Variants in METTL15 observed in about 807,000 individuals in gnomAD.
The protein encoded by METTL15 is 12S rRNA N(4)-cytidine methyltransferase METTL15.
METTL15 carries 34 observed loss-of-function variants against 38.3 expected under a neutral mutation model. That is an observed-to-expected ratio of 0.89 (90% CI 0.68 to 1.18). The LOEUF (loss-of-function observed/expected upper bound fraction) is 1.18. METTL15 is among the 50% of genes most tolerant of loss of function. The probability of loss-of-function intolerance (pLI) is 0.00; values close to 1 mark genes in which losing one functional copy is unlikely to be tolerated. For synonymous variants in METTL15, 162 were observed against 170.9 expected, an observed-to-expected ratio of 0.95 and a Z score of 0.41; for missense variants, 438 against 498.4, an observed-to-expected ratio of 0.88 and a Z score of 1.15.
intron 4 of METTL15, among the ~76,000 whole-genome samples, chr11:28,233,243 TAATA>T (rs1853766665): frequency 6.6e-6 from 1 of 152,160 alleles, no homozygotes; most frequent in East Asian, 1.9e-4. Context: ...ATATACTGCT[TAATA>T]ACATAGATAA....
intron 6 of METTL15, among the ~76,000 whole-genome samples, chr11:28,498,848 T>C (rs945087015): frequency 1.3e-5 from 2 of 152,264 alleles, no homozygotes; most frequent in Non-Finnish European, 2.9e-5. Flanking sequence ...AAGTTTTTAC[T>C]GTATTTCTCA....
chr11:28,120,293 A>C (rs903153600), intron 3 of METTL15, among the ~76,000 whole-genome samples: 1 of 150,354 alleles, frequency 6.7e-6, no homozygotes, highest in African/African-American at 2.4e-5. Context: ...TTAAAATTTC[A>C]TATGAGATGG....
At chr11:28,464,615 C>G (rs1851241979) in intron 6 of METTL15, among the ~76,000 whole-genome samples, 1 of 152,272 alleles carries the variant, frequency 6.6e-6, no homozygotes, top group African/African-American at 2.4e-5. Context: ...TATGTGAATC[C>G]TTCCTAAATC....
intron 4 of METTL15, among the ~76,000 whole-genome samples, chr11:28,279,831 G>A (rs914888735): frequency 7.3e-5 from 11 of 151,634 alleles, no homozygotes; most frequent in Non-Finnish European, 1.6e-4. Context: ...CCCGGGAGGC[G>A]GAGGTTGCAG....
intron 4 of METTL15, among the ~76,000 whole-genome samples, chr11:28,242,083 A>G (rs1854323974): frequency 6.6e-6 from 1 of 152,222 alleles, no homozygotes; most frequent in Non-Finnish European, 1.5e-5. Context: ...TAAAATATAA[A>G]TAAAAGTCTC....
rs560282189 is a variant in METTL15 at position 28,524,003 on chromosome 11, C to T, written c.*425-2475C>T. Among the ~76,000 whole-genome samples the T allele has an allele frequency of 6.1e-4, 93 of 152,260 alleles. 3 individuals are homozygous for T. The South Asian group carries it at 0.011, about 18-fold the overall frequency. On this transcript the variant is annotated intron_variant and NMD_transcript_variant, in intron 6 of 7. Transcript: ENST00000532947. ...ATGCACAGGATAGATCCCTAAAATG[C>T]GTAATTATCTGATCTAACGTGTCAA...
chr11:28,414,793 A>G (rs558404202), intron 5 of METTL15, among the ~76,000 whole-genome samples: 2 of 152,236 alleles, frequency 1.3e-5, no homozygotes, highest in Non-Finnish European at 2.9e-5. Flanking sequence ...AGATGCCATC[A>G]AAATGACTTT....
chr11:28,366,496 T>A, intron 5 of METTL15, among the ~76,000 whole-genome samples: 1 of 53,702 alleles, frequency 1.9e-5, no homozygotes, highest in Non-Finnish European at 6.1e-5. Flanking sequence ...AAGAAAAAAG[T>A]TCATTTTCTG....
intron 3 of METTL15, among the ~76,000 whole-genome samples, chr11:28,209,273 A>G (rs1852516881): frequency 1.3e-5 from 2 of 151,988 alleles, no homozygotes; most frequent in Admixed American, 6.6e-5. Context: ...AAGGCTAGGT[A>G]TTGATCCCAT....
At chr11:28,287,249 G>T in intron 4 of METTL15, 1 of 198,672 alleles carries the variant, frequency 5.0e-6, no homozygotes, top group South Asian at 6.6e-5. Flanking sequence ...AAAAAGAATT[G>T]CAGCATTTTC....
intron 5 of METTL15, among the ~76,000 whole-genome samples, chr11:28,384,808 T>C (rs1241677520): frequency 6.6e-6 from 1 of 152,140 alleles, no homozygotes; most frequent in Non-Finnish European, 1.5e-5. Flanking sequence ...GCATCTGTTA[T>C]TTTTTTATTT....
chr11:28,279,652 G>A (rs994566986), intron 4 of METTL15, among the ~76,000 whole-genome samples: 18 of 152,142 alleles, frequency 1.2e-4, no homozygotes, highest in African/African-American at 4.3e-4. Flanking sequence ...TGTAATCCCA[G>A]CACTTTGGGA....
intron 3 of METTL15, among the ~76,000 whole-genome samples, chr11:28,175,676 G>A (rs1331566089): frequency 6.6e-6 from 1 of 152,076 alleles, no homozygotes. Context: ...AAAAATCTGA[G>A]TATCACCTTC....
At chr11:28,148,842 T>C (rs529999596) in intron 3 of METTL15, among the ~76,000 whole-genome samples, 1 of 152,144 alleles carries the variant, frequency 6.6e-6, no homozygotes, top group South Asian at 2.1e-4. Context: ...GTTTGTTTTC[T>C]TCCTATCACT....
rs180924761 is a variant in METTL15 at position 28,328,085 on chromosome 11, A to T, written c.779-2311A>T. The stretch of plus-strand genomic sequence containing the variant: ...TTTACATGAAAATATATGTTTGTTC[A>T]TATTCTTAGAATACTCTGAAACATA... On this transcript the variant is annotated intron_variant, in intron 6 of 6. Transcript: ENST00000407364. The T allele has an allele frequency of 2.5e-6, 4 of 1,605,096 alleles. No homozygotes were observed. The African/African-American group carries it at 5.4e-5, about 22-fold the overall frequency.
rs141317229 is a variant in METTL15 at position 28,510,045 on chromosome 11, C to T, written c.*425-16433C>T. On this transcript the variant is annotated intron_variant and NMD_transcript_variant, in intron 6 of 7. Coordinates refer to the METTL15 transcript ENST00000532947. Reference sequence around the variant, plus strand: ...GGATGGCAACATGTTTCATTAGCTCCGAGGCCCTTGGGATGTAACACTGAA... The same window carrying T: ...GGATGGCAACATGTTTCATTAGCTCTGAGGCCCTTGGGATGTAACACTGAA... Among the ~76,000 whole-genome samples, 1,028 of 152,150 alleles carry T rather than the reference C, an allele frequency of 6.8e-3. 3 individuals carry two copies. The highest frequency in any genetic ancestry group is 0.01 in the Non-Finnish European group (705 of 68,006).
intron 6 of METTL15, among the ~76,000 whole-genome samples, chr11:28,314,647 G>A (rs1206345253): frequency 6.6e-6 from 1 of 152,100 alleles, no homozygotes; most frequent in African/African-American, 2.4e-5. Context: ...TCAATTTCAG[G>A]TATCCCATCT....
chr11:28,421,674 C>T (rs1850821657), intron 5 of METTL15, among the ~76,000 whole-genome samples: 1 of 151,364 alleles, frequency 6.6e-6, no homozygotes, highest in African/African-American at 2.4e-5. Context: ...TGATAAAAAC[C>T]CTAAAAAATG....
rs535020417 is a variant in METTL15, at chr11:28,511,656, C to G, written c.*425-14822C>G. On this transcript the variant is annotated intron_variant and NMD_transcript_variant, in intron 6 of 7. Transcript: ENST00000532947. Reference sequence around the variant, plus strand: ...TTAAGGCAGCGCCTCTGGAGTTGTTCGTTCCTCCTGGTGGGTTCATGGTCT... The same window carrying G: ...TTAAGGCAGCGCCTCTGGAGTTGTTGGTTCCTCCTGGTGGGTTCATGGTCT... Among the ~76,000 whole-genome samples the G allele has an allele frequency of 2.0e-5, 3 of 152,076 alleles. No homozygotes were observed. The South Asian group carries it at 6.3e-4, about 32-fold the overall frequency.
Sources: gnomAD v4.1 joint callset for allele counts (sites outside exome capture counted in the v4.1 genomes callset) on GRCh38, gnomAD v4.1.1 for gene constraint, MANE v1.5 for transcripts, NCBI Gene and HGNC (gene_info 2026-07-23, HGNC 2026-07-21) for gene names.